Variants in GLG1 observed in about 807,000 individuals in gnomAD.
GLG1 encodes golgi glycoprotein 1.
GLG1 carries 38 observed loss-of-function variants against 160.5 expected under a neutral mutation model. The ratio of observed to expected loss-of-function variants is 0.24; its 90% confidence interval spans 0.18 to 0.31. The LOEUF is 0.31. Ranked by LOEUF, GLG1 falls within the 10% of genes least tolerant of loss-of-function variation. GLG1 has a pLI of 1.00. For missense variants in GLG1, 1,373 were observed against 1,505.2 expected, an observed-to-expected ratio of 0.91 and a Z score of 1.45; for synonymous variants, 644 against 543.4, an observed-to-expected ratio of 1.19 and a Z score of -2.57.
At chr16:74,516,958 A>T (rs1347503382) in intron 2 of GLG1, among the ~76,000 whole-genome samples, 1 of 152,234 alleles carries the variant, frequency 6.6e-6, no homozygotes, top group Non-Finnish European at 1.5e-5. Context: ...TCTAGAAGAA[A>T]TGGATAAATT....
intron 2 of GLG1, among the ~76,000 whole-genome samples, chr16:74,513,744 C>A (rs978276513): frequency 1.3e-5 from 2 of 152,096 alleles, no homozygotes; most frequent in African/African-American, 4.8e-5. Flanking sequence ...TCCAAAGGAA[C>A]ACAACTCCTC....
chr16:74,540,875 C>G (rs2017843649), intron 1 of GLG1, among the ~76,000 whole-genome samples: 1 of 152,196 alleles, frequency 6.6e-6, no homozygotes, highest in Non-Finnish European at 1.5e-5. Context: ...GCCTTGTTTT[C>G]ACTGCTCAGC....
chr16:74,490,035 G>A (rs993597559), intron 8 of GLG1, among the ~76,000 whole-genome samples: 3 of 152,164 alleles, frequency 2.0e-5, no homozygotes, highest in African/African-American at 7.2e-5. Context: ...AAGTTACACT[G>A]AGGGAGGAGA....
intron 1 of GLG1, among the ~76,000 whole-genome samples, chr16:74,592,887 A>C (rs1243573165): frequency 6.6e-6 from 1 of 152,130 alleles, no homozygotes; most frequent in Non-Finnish European, 1.5e-5. Flanking sequence ...CCCCAATACA[A>C]GTGTTGAGAG....
At chr16:74,511,581 T>A (rs2016805342) in intron 2 of GLG1, among the ~76,000 whole-genome samples, 1 of 129,652 alleles carries the variant, frequency 7.7e-6, no homozygotes, top group Non-Finnish European at 1.7e-5. Flanking sequence ...GAACCTTTTT[T>A]TTTTAAAAAA....
chr16:74,479,771 CA>C (rs2015531558), intron 11 of GLG1, among the ~76,000 whole-genome samples: 2 of 152,130 alleles, frequency 1.3e-5, no homozygotes, highest in South Asian at 4.1e-4. Flanking sequence ...AACATCCCAA[CA>C]AAAAGCAGCA....
At chr16:74,498,916 T>C (rs1009411608) in intron 4 of GLG1, among the ~76,000 whole-genome samples, 10 of 138,654 alleles carry the variant, frequency 7.2e-5, no homozygotes, top group African/African-American at 2.6e-4. Context: ...TAGCGTAACA[T>C]CTACTTCAGA....
intron 2 of GLG1, among the ~76,000 whole-genome samples, chr16:74,515,129 C>G (rs2016939081): frequency 6.6e-6 from 1 of 152,094 alleles, no homozygotes; most frequent in Non-Finnish European, 1.5e-5. Flanking sequence ...AATACAGGAG[C>G]ACCCAGATTC....
chr16:74,555,179 A>C (rs993654892), intron 1 of GLG1, among the ~76,000 whole-genome samples: 1 of 152,152 alleles, frequency 6.6e-6, no homozygotes, highest in Non-Finnish European at 1.5e-5. Flanking sequence ...GTTAAAAATA[A>C]GTTTACAAAT....
chr16:74,595,311 G>A (rs968012278), intron 1 of GLG1, among the ~76,000 whole-genome samples: 13 of 151,984 alleles, frequency 8.6e-5, no homozygotes, highest in Non-Finnish European at 1.5e-4. Flanking sequence ...GCCGAGGCAG[G>A]CAGATCACAA....
chr16:74,496,481 T>C lies in GLG1; in HGVS notation c.938A>G (p.Tyr313Cys). Residue 313 changes from tyrosine (Y) to cysteine (C), a missense_variant, in exon 5 of 26, where the codon TAT (tyrosine) becomes TGT (cysteine). Transcript: ENST00000422840. Reference sequence around the variant, plus strand: ...CTCCCGATCATCTCGGCAAGCAAAATATAAATGCCGGTCTAAGTGAAAGTC... The same window carrying C: ...CTCCCGATCATCTCGGCAAGCAAAACATAAATGCCGGTCTAAGTGAAAGTC... ...SDDFHLDRHLYFACRDDRERF... is the reference protein window; with the variant it reads ...SDDFHLDRHLCFACRDDRERF... The C allele has an allele frequency of 6.2e-7, 1 of 1,613,928 alleles. No individual in the cohort carries two copies. The highest frequency in any genetic ancestry group is 8.5e-7 in the Non-Finnish European group (1 of 1,179,912).
intron 1 of GLG1, among the ~76,000 whole-genome samples, chr16:74,581,989 C>T (rs937498729): frequency 2.0e-5 from 3 of 152,052 alleles, no homozygotes; most frequent in African/African-American, 7.2e-5. Context: ...CTTGAACCCT[C>T]TCCTCCTTCC....
intron 8 of GLG1, 34 bp downstream of exon 8, chr16:74,490,967 G>A (rs777634456): frequency 7.6e-6 from 11 of 1,450,984 alleles, no homozygotes; most frequent in Non-Finnish European, 1.1e-5. Context: ...TGATAAATGT[G>A]ACATTCAAAA....
At chr16:74,477,577 C>G (rs1567468448) in intron 11 of GLG1, 44 bp from the exon 12 acceptor site, 1 of 1,513,750 alleles carries the variant, frequency 6.6e-7, no homozygotes, top group African/African-American at 1.4e-5. Flanking sequence ...GGTAACAAAA[C>G]AAAAACACAA....
At chr16:74,576,291 T>C (rs1028922569) in intron 1 of GLG1, among the ~76,000 whole-genome samples, 6 of 152,170 alleles carry the variant, frequency 3.9e-5, no homozygotes, top group African/African-American at 7.2e-5. Context: ...TATTAAAGAC[T>C]GACAAATTCC....
chr16:74,491,671 CT>C (rs2015993106), intron 7 of GLG1, among the ~76,000 whole-genome samples: 1 of 60,476 alleles, frequency 1.7e-5, no homozygotes, highest in Non-Finnish European at 3.4e-5. Flanking sequence ...CGGAGTCTCA[CT>C]GTGTCACCCA....
chr16:74,514,410 A>T (rs921772849), intron 2 of GLG1, among the ~76,000 whole-genome samples: 1 of 152,254 alleles, frequency 6.6e-6, no homozygotes, highest in South Asian at 2.1e-4. Context: ...GTTACCCACA[A>T]AGGGAAGCCC....
intron 1 of GLG1, among the ~76,000 whole-genome samples, chr16:74,565,141 C>A (rs2018617628): frequency 6.6e-6 from 1 of 152,030 alleles, no homozygotes; most frequent in African/African-American, 2.4e-5. Context: ...GAGTTCAAGA[C>A]CAACATGGTG....
chr16:74,571,761 G>A (rs1028810271), intron 1 of GLG1, among the ~76,000 whole-genome samples: 1 of 152,134 alleles, frequency 6.6e-6, no homozygotes, highest in African/African-American at 2.4e-5. Flanking sequence ...GAAGATCGAG[G>A]TGTGACTGCA....
Sources: gnomAD v4.1 joint callset for allele counts (sites outside exome capture counted in the v4.1 genomes callset) on GRCh38, gnomAD v4.1.1 for gene constraint, MANE v1.5 for transcripts, NCBI Gene and HGNC (gene_info 2026-07-23, HGNC 2026-07-21) for gene names.